The following TOX3 variants were observed in gnomAD, a reference collection of about 807,000 sequenced individuals.
The protein encoded by TOX3 is TOX high mobility group box family member 3.
A neutral mutation model predicts 64.3 loss-of-function variants in TOX3; 22 were observed. That is an observed-to-expected ratio of 0.34 (90% CI 0.24 to 0.49). TOX3 has a LOEUF of 0.49. TOX3 is among the 20% of genes least tolerant of loss of function. TOX3 has a pLI of 0.99. For synonymous variants in TOX3, 291 were observed against 273.6 expected (o/e 1.06, Z -0.63); for missense variants, 661 against 714.4 (o/e 0.93, Z 0.85).
At chr16:52,485,246 G>GCATATATATATATA in intron 1 of TOX3, among the ~76,000 whole-genome samples, 1 of 127,868 alleles carries the variant, frequency 7.8e-6, no homozygotes, top group African/African-American at 3.4e-5. Context: ...ATGTGTGTGT[G>GCATATATATATATA]TATATATATA....
At chr16:52,511,953 C>T (rs1682652244) in intron 1 of TOX3, among the ~76,000 whole-genome samples, 2 of 152,160 alleles carry the variant, frequency 1.3e-5, no homozygotes, top group African/African-American at 4.8e-5. Context: ...ACGAGCAGAA[C>T]ACAGAGGGCA....
chr16:52,478,545 A>G (rs1017683818), intron 1 of TOX3, among the ~76,000 whole-genome samples: 1 of 152,174 alleles, frequency 6.6e-6, no homozygotes, highest in African/African-American at 2.4e-5. Context: ...TTGTCCATTC[A>G]CTATTTCTCT....
intron 1 of TOX3, among the ~76,000 whole-genome samples, chr16:52,469,333 CA>C (rs1224478286): frequency 6.6e-6 from 1 of 152,164 alleles, no homozygotes; most frequent in Non-Finnish European, 1.5e-5. Flanking sequence ...GACCTGTTAT[CA>C]AAACGTAAAA....
chr16:52,522,415 A>G (rs1596856389), intron 1 of TOX3, among the ~76,000 whole-genome samples: 1 of 152,306 alleles, frequency 6.6e-6, no homozygotes, highest in East Asian at 1.9e-4. Flanking sequence ...ACCTCAGACA[A>G]CACTACTCTA....
chr16:52,456,815 C>T (rs1482381882), intron 3 of TOX3, among the ~76,000 whole-genome samples: 1 of 152,170 alleles, frequency 6.6e-6, no homozygotes, highest in African/African-American at 2.4e-5. Flanking sequence ...CTGTTATAGT[C>T]AGTGTGGATA....
intron 1 of TOX3, among the ~76,000 whole-genome samples, chr16:52,514,946 G>A (rs912526337): frequency 7.1e-6 from 1 of 140,618 alleles, no homozygotes; most frequent in Admixed American, 7.4e-5. Flanking sequence ...GGGAGGTGGA[G>A]GTTGCAGTGA....
Position 52,546,732 on chromosome 16 carries a change from T to C in TOX3, c.-9A>G, listed in dbSNP as rs1963201858. ...TAGAACCTCACATCCATGCCGAAGC[T>C]GGGCCCGGGGCCGGGGGCCGGGACT... is the stretch of plus-strand genomic sequence containing the variant. On this transcript the variant is annotated 5_prime_UTR_variant, in exon 1 of 7. Coordinates refer to ENST00000219746, the MANE Select transcript of TOX3 (RefSeq NM_001080430.4). The C allele has an allele frequency of 6.6e-7, 1 of 1,508,242 alleles. No homozygotes were observed. The highest frequency in any genetic ancestry group is 2.1e-5 in the Admixed American group (1 of 48,522). The allele number at this position is 1,508,242 out of a possible 1,614,324, so 93.4% of individuals were successfully genotyped here.
At chr16:52,502,495 T>C (rs1567338649) in intron 1 of TOX3, among the ~76,000 whole-genome samples, 1 of 152,114 alleles carries the variant, frequency 6.6e-6, no homozygotes, top group Non-Finnish European at 1.5e-5. Flanking sequence ...ACTAATTCAA[T>C]AGCAAAAAAG....
At chr16:52,464,267 T>C (rs1960788562) in intron 2 of TOX3, 79 bp from the exon 3 acceptor site, 3 of 1,367,986 alleles carry the variant, frequency 2.2e-6, no homozygotes, top group South Asian at 2.1e-5. Flanking sequence ...GAGAAAGACA[T>C]TGCATGAAAA....
chr16:52,509,537 C>T (rs1283526760), intron 1 of TOX3, among the ~76,000 whole-genome samples: 3 of 152,192 alleles, frequency 2.0e-5, no homozygotes, highest in African/African-American at 7.2e-5. Flanking sequence ...TCCCAAAACA[C>T]ATAAGCCATT....
intron 1 of TOX3, among the ~76,000 whole-genome samples, chr16:52,525,147 A>G (rs899556854): frequency 6.6e-6 from 1 of 152,208 alleles, no homozygotes; most frequent in Admixed American, 6.5e-5. Context: ...TACAGTAAAT[A>G]AAATGACTTG....
intron 5 of TOX3, 133 bp from the exon 6 acceptor site, chr16:52,444,489 G>A: frequency 1.9e-6 from 1 of 525,374 alleles, no homozygotes; most frequent in South Asian, 2.6e-5. Context: ...ATTTTTAAAT[G>A]TTAGCGCATG....
chr16:52,463,503 T>A (rs1384449425), intron 3 of TOX3, among the ~76,000 whole-genome samples: 1 of 152,180 alleles, frequency 6.6e-6, no homozygotes, highest in Admixed American at 6.5e-5. Flanking sequence ...CAGTTTGGTA[T>A]TTCATTTGCA....
intron 1 of TOX3, among the ~76,000 whole-genome samples, chr16:52,545,763 G>A (rs372337382): frequency 6.6e-6 from 1 of 152,198 alleles, no homozygotes; most frequent in African/African-American, 2.4e-5. Flanking sequence ...GAGGACAGAG[G>A]ACACCGGATG....
At chr16:52,467,632 G>A (rs1043654707) in intron 2 of TOX3, among the ~76,000 whole-genome samples, 10 of 152,056 alleles carry the variant, frequency 6.6e-5, no homozygotes, top group African/African-American at 1.9e-4. Context: ...GTTCCATTTG[G>A]GCCAATTTCA....
chr16:52,444,219 G>T, intron 6 of TOX3, 57 bp downstream of exon 6: 1 of 1,346,964 alleles, frequency 7.4e-7, no homozygotes, highest in Non-Finnish European at 1.0e-6. Flanking sequence ...CAATGCTTGA[G>T]GGCTGTTTTC....
At chr16:52,493,041 G>C (rs528635518) in intron 1 of TOX3, among the ~76,000 whole-genome samples, 5 of 152,188 alleles carry the variant, frequency 3.3e-5, no homozygotes, top group Non-Finnish European at 7.4e-5. Flanking sequence ...ACTGAACACA[G>C]AGCAAGTGGA....
chr16:52,503,528 G>C (rs10451108), intron 1 of TOX3, among the ~76,000 whole-genome samples: 8,154 of 152,230 alleles, frequency 0.054, 505 homozygotes, highest in East Asian at 0.16. Context: ...GTGAATGAAT[G>C]AGCAAATGAA....
chr16:52,459,798 C>A (rs751167562), intron 3 of TOX3, among the ~76,000 whole-genome samples: 3 of 151,996 alleles, frequency 2.0e-5, no homozygotes, highest in Non-Finnish European at 2.9e-5. Flanking sequence ...TGAAAGTCTG[C>A]TATTTCTCTT....
Sources: allele counts gnomAD v4.1 joint callset (sites outside exome capture counted in the v4.1 genomes callset), GRCh38; gene constraint gnomAD v4.1.1; transcripts MANE v1.5; gene names NCBI Gene and HGNC (gene_info 2026-07-23, HGNC 2026-07-21).